The following CCDC93 variants were observed in gnomAD, a reference collection of about 807,000 sequenced individuals.
CCDC93 encodes the protein CCC complex scaffolding subunit CCDC93, also known as coiled-coil domain-containing protein 93.
Under a neutral mutation model 108.2 loss-of-function variants are expected in CCDC93, and 61 were observed. That is an observed-to-expected ratio of 0.56 (90% CI 0.46 to 0.70). The LOEUF (loss-of-function observed/expected upper bound fraction) is 0.70. Ranked by LOEUF, CCDC93 falls within the 30% of genes least tolerant of loss-of-function variation. The probability of loss-of-function intolerance (pLI) is 0.00; values close to 1 mark genes in which losing one functional copy is unlikely to be tolerated. For missense variants in CCDC93, 685 were observed against 764.2 expected, an observed-to-expected ratio of 0.90 and a Z score of 1.22; for synonymous variants, 276 against 260.4, an observed-to-expected ratio of 1.06 and a Z score of -0.58.
In CCDC93 at chr2:117,982,027, T is replaced by C. The variant is rs953079845; in HGVS notation, c.620+3942A>G. Among the ~76,000 whole-genome samples the C allele has an allele frequency of 6.6e-5, 10 of 152,324 alleles. 1 individual carries two copies. In the South Asian group the frequency reaches 8.3e-4, roughly 13 times the overall value. On this transcript the variant is annotated intron_variant, in intron 7 of 23. Coordinates refer to ENST00000376300, the MANE Select transcript of CCDC93 (RefSeq NM_019044.5). ...CTAAATATCTTTTATGAGCATGTCA[T>C]AGGCCTTATCATCATAGGAGACACA...
At chr2:117,937,548 G>A (rs1423043936) in intron 20 of CCDC93, among the ~76,000 whole-genome samples, 1 of 152,136 alleles carries the variant, frequency 6.6e-6, no homozygotes, top group Non-Finnish European at 1.5e-5. Flanking sequence ...ATTCTAACTG[G>A]TAACATGGCT....
intron 18 of CCDC93, among the ~76,000 whole-genome samples, chr2:117,941,643 C>G (rs1166718873): frequency 6.6e-6 from 1 of 152,196 alleles, no homozygotes; most frequent in Non-Finnish European, 1.5e-5. Context: ...CCCTGCCAGG[C>G]AGGGACAGGC....
intron 11 of CCDC93, among the ~76,000 whole-genome samples, chr2:117,970,579 G>A (rs1000101817): frequency 6.6e-6 from 1 of 152,168 alleles, no homozygotes; most frequent in African/African-American, 2.4e-5. Flanking sequence ...TAAATCTGAA[G>A]TATAGACTTT....
rs771040388 is a variant in CCDC93 at position 117,955,193 on chromosome 2, T to G, written c.1006-2758A>C. 1.6e-4 allele frequency among the ~76,000 whole-genome samples: 24 copies of G among 152,224 alleles called. 1 individual carries two copies. Among genetic ancestry groups the G allele is most frequent in the Non-Finnish European group, 2.2e-4 (15 of 68,036 alleles). On this transcript the variant is annotated intron_variant, in intron 12 of 23. Transcript: ENST00000376300. The stretch of plus-strand genomic sequence containing the variant: ...TTAGTAAGCAATAACAAAGCACTTA[T>G]TAGCCATTACTATTACTGACAGATA...
At chr2:117,957,117 C>T (rs988615353) in intron 12 of CCDC93, among the ~76,000 whole-genome samples, 23 of 152,198 alleles carry the variant, frequency 1.5e-4, no homozygotes, top group African/African-American at 5.1e-4. Context: ...CTTGAACTCC[C>T]GACCTCAAGT....
At chr2:117,950,797 G>T (rs1404909546) in intron 13 of CCDC93, 15 of 985,306 alleles carry the variant, frequency 1.5e-5, no homozygotes, top group African/African-American at 1.7e-5. Context: ...GAATTAGTCT[G>T]ATTTTCCTAT....
At chr2:117,946,742 G>A (rs1232217789) in intron 16 of CCDC93, 69 bp downstream of exon 16, 24 of 1,091,692 alleles carry the variant, frequency 2.2e-5, no homozygotes, top group Non-Finnish European at 3.4e-5. Flanking sequence ...TCTGCTCTTT[G>A]GTCCTCTAGA....
chr2:117,980,980 T>G (rs1340129048), intron 7 of CCDC93, among the ~76,000 whole-genome samples: 1 of 152,232 alleles, frequency 6.6e-6, no homozygotes, highest in East Asian at 1.9e-4. Context: ...CTTCTTTGAC[T>G]CATGAGAATA....
intron 3 of CCDC93, among the ~76,000 whole-genome samples, chr2:118,003,016 C>T (rs929753783): frequency 3.3e-5 from 5 of 152,220 alleles, no homozygotes; most frequent in African/African-American, 1.2e-4. Context: ...CTAGACCAGG[C>T]AAGAGTGGAA....
intron 23 of CCDC93, among the ~76,000 whole-genome samples, chr2:117,925,346 G>C (rs891584393): frequency 6.6e-6 from 1 of 152,132 alleles, no homozygotes; most frequent in Non-Finnish European, 1.5e-5. Context: ...AAAGAGTCAA[G>C]ACCCATCAGT....
chr2:117,953,593 T>C (rs926078791), intron 12 of CCDC93, among the ~76,000 whole-genome samples: 5 of 152,118 alleles, frequency 3.3e-5, no homozygotes, highest in Non-Finnish European at 7.4e-5. Flanking sequence ...TAGAACCTAA[T>C]ACCCAATATG....
intron 23 of CCDC93, among the ~76,000 whole-genome samples, chr2:117,928,350 G>A (rs993160238): frequency 1.3e-5 from 2 of 152,074 alleles, no homozygotes; most frequent in Non-Finnish European, 2.9e-5. Flanking sequence ...GAAAATTTTT[G>A]CAATCTACTC....
At chr2:117,989,781 T>C (rs1358910119) in intron 6 of CCDC93, among the ~76,000 whole-genome samples, 2 of 152,242 alleles carry the variant, frequency 1.3e-5, no homozygotes, top group African/African-American at 4.8e-5. Context: ...GGCTAAGATA[T>C]ATACATATTT....
At chr2:117,950,051 C>T (rs2104742777) in intron 13 of CCDC93, 1 of 985,388 alleles carries the variant, frequency 1.0e-6, no homozygotes, top group Non-Finnish European at 1.2e-6. Flanking sequence ...GTTGGTGATA[C>T]CCAGCAGAAA....
chr2:117,922,479 T>C (rs899960906), intron 23 of CCDC93, among the ~76,000 whole-genome samples: 4 of 152,148 alleles, frequency 2.6e-5, no homozygotes, highest in Admixed American at 6.5e-5. Context: ...TTCACAAAAA[T>C]GTAGGGTTTG....
chr2:117,983,047 T>C (rs1458973036), intron 7 of CCDC93, among the ~76,000 whole-genome samples: 2 of 152,164 alleles, frequency 1.3e-5, no homozygotes, highest in Non-Finnish European at 2.9e-5. Context: ...CTTATCTATA[T>C]AAAGACTGGA....
At chr2:117,961,099 TG>T (rs1344327818) in intron 11 of CCDC93, among the ~76,000 whole-genome samples, 2 of 152,086 alleles carry the variant, frequency 1.3e-5, no homozygotes, top group African/African-American at 4.8e-5. Flanking sequence ...ACCCATGGGC[TG>T]GGACAGTCAA....
intron 18 of CCDC93, among the ~76,000 whole-genome samples, chr2:117,942,772 G>A (rs1678742288): frequency 6.6e-6 from 1 of 152,128 alleles, no homozygotes; most frequent in African/African-American, 2.4e-5. Context: ...AAATCTCCAG[G>A]CCATACTATT....
At chr2:117,950,805 T>C in intron 13 of CCDC93, 3 of 985,450 alleles carry the variant, frequency 3.0e-6, no homozygotes, top group Non-Finnish European at 3.6e-6. Flanking sequence ...CTGATTTTCC[T>C]ATTAGATAGT....
Sources: allele counts gnomAD v4.1 joint callset (sites outside exome capture counted in the v4.1 genomes callset), GRCh38; gene constraint gnomAD v4.1.1; transcripts MANE v1.5; gene names NCBI Gene and HGNC (gene_info 2026-07-23, HGNC 2026-07-21).